Variants in ATAD2B observed in about 807,000 individuals in gnomAD.
ATAD2B encodes the protein ATPase family AAA domain-containing protein 2B.
A neutral mutation model predicts 167.6 loss-of-function variants in ATAD2B; 40 were observed. The observed-to-expected ratio is 0.24, with a 90% CI of 0.19 to 0.31. The LOEUF (loss-of-function observed/expected upper bound fraction) is 0.31, where lower values mean the gene tolerates loss of function less well. Ranked by LOEUF, ATAD2B falls within the 10% of genes least tolerant of loss-of-function variation. ATAD2B has a pLI of 1.00. For synonymous variants in ATAD2B, 579 were observed against 596.5 expected (o/e 0.97, Z 0.43); for missense variants, 1,242 against 1,757.2 (o/e 0.71, Z 5.24).
intron 1 of ATAD2B, among the ~76,000 whole-genome samples, chr2:23,904,926 A>G (rs1329699817): frequency 6.6e-6 from 1 of 152,188 alleles, no homozygotes; most frequent in Non-Finnish European, 1.5e-5. Context: ...TTTAGGGCCA[A>G]CACTATTCTA....
chr2:23,757,649 G>A lies in ATAD2B; in HGVS notation c.3847C>T (p.Leu1283=). The A allele has an allele frequency of 1.7e-5, 28 of 1,613,782 alleles. No individual in the cohort carries two copies. The highest frequency in any genetic ancestry group is 2.2e-5 in the Non-Finnish European group (26 of 1,179,740). The change falls in exon 25 of 28, where the codon CTG becomes TTG. Residue 1283 remains leucine, a synonymous_variant. Transcript: ENST00000238789. ...STDSFEGIPV[L]ECQNGKLEVV... ...TCAAGCTTGCCATTCTGACATTCCA[G>A]AACTGGTATTCCTTCAAAACTGTCA...
At chr2:23,730,679 A>AAAAAAAAAAAAG in the ATAD2B span, among the ~76,000 whole-genome samples, 2 of 149,310 alleles carry the variant, frequency 1.3e-5, no homozygotes, top group Non-Finnish European at 1.5e-5. Context: ...AAAAAAAAAA[A>AAAAAAAAAAAAG]AAAAAAAAAA....
chr2:23,798,404 A>G, intron 18 of ATAD2B, 81 bp from the exon 19 acceptor site: 1 of 1,129,532 alleles, frequency 8.9e-7, no homozygotes, highest in Non-Finnish European at 1.2e-6. Context: ...AATACATGAA[A>G]TATGTCAGGC....
chr2:23,745,417 G>GAAGGAAGGAAGA (rs1553367898), downstream of ATAD2B, among the ~76,000 whole-genome samples: 316 of 113,398 alleles, frequency 2.8e-3, no homozygotes, highest in African/African-American at 7.3e-3. Flanking sequence ...AGGAAGGAAG[G>GAAGGAAGGAAGA]AAGGAAAGGG....
the ATAD2B span, among the ~76,000 whole-genome samples, chr2:23,731,607 C>T: frequency 7.9e-5 from 12 of 152,270 alleles, no homozygotes; most frequent in East Asian, 1.5e-3. Flanking sequence ...CTAGTAGCTG[C>T]ATTATCAATA....
At chr2:23,852,593 G>C (rs545184490) in intron 13 of ATAD2B, among the ~76,000 whole-genome samples, 6 of 152,240 alleles carry the variant, frequency 3.9e-5, no homozygotes, top group Admixed American at 6.5e-5. Context: ...GAGCAAGTGA[G>C]GTTTATTCTA....
At chr2:23,868,225 T>G (rs1695428857) in intron 9 of ATAD2B, among the ~76,000 whole-genome samples, 1 of 152,208 alleles carries the variant, frequency 6.6e-6, no homozygotes, top group African/African-American at 2.4e-5. Flanking sequence ...ACATACCTGA[T>G]TATCCCATGT....
At position 23,835,516 on chromosome 2, in the gene ATAD2B, G is replaced by A. The variant is rs189561185; in HGVS notation, c.1569-1438C>T. ...TGCCTAGAGCTTGGAAGGATGAGGG[G>A]AAGGTTGGGAGTTATGGCTAAAGGG... On this transcript the variant is annotated intron_variant, in intron 13 of 27. Coordinates refer to ENST00000238789, the MANE Select transcript of ATAD2B (RefSeq NM_017552.4). 1.2e-3 allele frequency among the ~76,000 whole-genome samples: 184 copies of A among 152,342 alleles called. 1 individual carries two copies. The highest frequency in any genetic ancestry group is 2.7e-3 in the Admixed American group (42 of 15,308).
intron 1 of ATAD2B, among the ~76,000 whole-genome samples, chr2:23,911,661 A>C: frequency 6.6e-6 from 1 of 152,104 alleles, no homozygotes; most frequent in East Asian, 1.9e-4. Context: ...AAGAACAATC[A>C]CACATGCACA....
the ATAD2B span, among the ~76,000 whole-genome samples, chr2:23,721,577 C>T: frequency 6.6e-6 from 1 of 152,200 alleles, no homozygotes; most frequent in South Asian, 2.1e-4. Context: ...GACATACCCC[C>T]AGGCCAGCCA....
intron 15 of ATAD2B, among the ~76,000 whole-genome samples, chr2:23,827,186 A>C (rs1374910646): frequency 6.6e-6 from 1 of 152,160 alleles, no homozygotes; most frequent in Non-Finnish European, 1.5e-5. Flanking sequence ...GTCCAGGAAG[A>C]AAATGGTATA....
chr2:23,870,006 G>A (rs1052438844), intron 8 of ATAD2B, among the ~76,000 whole-genome samples: 6 of 151,878 alleles, frequency 4.0e-5, no homozygotes, highest in Admixed American at 3.3e-4. Flanking sequence ...TCAGGAGTTC[G>A]AGACCAGCCT....
At chr2:23,852,992 T>C (rs537756933) in intron 13 of ATAD2B, among the ~76,000 whole-genome samples, 1 of 151,296 alleles carries the variant, frequency 6.6e-6, no homozygotes, top group South Asian at 2.1e-4. Flanking sequence ...AAAAGCCATA[T>C]GATCAATTCA....
chr2:23,833,807 C>A (rs1210320321), intron 14 of ATAD2B, 112 bp downstream of exon 14: 20 of 852,024 alleles, frequency 2.3e-5, no homozygotes, highest in Non-Finnish European at 3.5e-5. Context: ...GCTAAGATAT[C>A]CTTAAGCAGA....
chr2:23,850,041 G>A (rs534230129), intron 13 of ATAD2B, among the ~76,000 whole-genome samples: 3 of 151,620 alleles, frequency 2.0e-5, no homozygotes, highest in Non-Finnish European at 4.4e-5. Context: ...TACTCAGGAG[G>A]CTGAGGCAGG....
chr2:23,818,118 CACATT>C (rs767415125), intron 17 of ATAD2B, among the ~76,000 whole-genome samples: 2,942 of 87,420 alleles, frequency 0.034, 108 homozygotes, highest in Non-Finnish European at 0.049. Context: ...CACACACACA[CACATT>C]ACACACACAC....
the ATAD2B span, chr2:23,693,232 G>T: frequency 4.6e-6 from 7 of 1,520,374 alleles, no homozygotes; most frequent in Non-Finnish European, 6.2e-6. Context: ...CTGCTTCCCG[G>T]GCCTTTGGGT....
intron 1 of ATAD2B, among the ~76,000 whole-genome samples, chr2:23,899,303 C>CA (rs556774553): frequency 0.15 from 10,210 of 66,976 alleles, 790 homozygotes; most frequent in Middle Eastern, 0.19. Flanking sequence ...GACCCCATCT[C>CA]AAAAAAAAAA....
At chr2:23,874,045 G>A (rs1696413022) in intron 8 of ATAD2B, among the ~76,000 whole-genome samples, 1 of 152,032 alleles carries the variant, frequency 6.6e-6, no homozygotes, top group Non-Finnish European at 1.5e-5. Flanking sequence ...AAATTAGCCT[G>A]GCATGGTGGT....
Sources: gnomAD v4.1 joint callset for allele counts (sites outside exome capture counted in the v4.1 genomes callset) on GRCh38, gnomAD v4.1.1 for gene constraint, MANE v1.5 for transcripts, NCBI Gene and HGNC (gene_info 2026-07-23, HGNC 2026-07-21) for gene names.